The following SH3RF3 variants were observed in gnomAD, a reference collection of about 807,000 sequenced individuals.
SH3RF3 encodes the protein SH3 domain containing ring finger 3, also known as E3 ubiquitin-protein ligase SH3RF3.
A neutral mutation model predicts 66.3 loss-of-function variants in SH3RF3; 29 were observed. The ratio of observed to expected loss-of-function variants is 0.44; its 90% CI spans 0.33 to 0.60. The LOEUF is 0.60. SH3RF3 is among the 20% of genes least tolerant of loss of function. SH3RF3 has a pLI of 0.04. For synonymous variants in SH3RF3, 583 were observed against 532.0 expected (o/e 1.10, Z -1.32); for missense variants, 1,194 against 1,190.9 (o/e 1.00, Z -0.04).
chr2:109,490,759 C>T lies in SH3RF3; in HGVS notation c.2303C>T (p.Ser768Phe). ...GTGGGCCCCGAAGTGTCCTCACTGT[C>T]CATCCACGGCAGGGCAGGGTCCTGC... ...GAVGPEVSSL[S>F]IHGRAGSCPI... The change falls in exon 9 of 10, where the codon TCC (serine) becomes TTC (phenylalanine). Residue 768 changes from serine (S) to phenylalanine (F), a missense_variant. By Grantham distance (155) the Ser-to-Phe change is radical (BLOSUM62 -2). Coordinates refer to ENST00000309415, the MANE Select transcript of SH3RF3 (RefSeq NM_001099289.3). 1 of 1,536,530 alleles carries T rather than the reference C, an allele frequency of 6.5e-7. No homozygotes were observed. Among genetic ancestry groups the T allele is most frequent in the African/African-American group, 1.4e-5 (1 of 73,150 alleles).
rs997680575 is a variant in SH3RF3, at chr2:109,373,164, A to T, written c.945+1483A>T. 4.6e-5 allele frequency among the ~76,000 whole-genome samples: 7 copies of T among 152,226 alleles called. No homozygotes were observed. In the East Asian group the frequency reaches 1.2e-3, roughly 25 times the overall value. On this transcript the variant is annotated intron_variant, in intron 3 of 9. Coordinates refer to ENST00000309415, the MANE Select transcript of SH3RF3 (RefSeq NM_001099289.3). Reference sequence around the variant, plus strand: ...TGTAAGATTCACATCTGCCCTCAACACTTCGCAAGTTTCCATGTATTTGCA... The same window carrying T: ...TGTAAGATTCACATCTGCCCTCAACTCTTCGCAAGTTTCCATGTATTTGCA...
chr2:109,428,942 A>G (rs1329905068), intron 5 of SH3RF3, among the ~76,000 whole-genome samples: 1 of 152,180 alleles, frequency 6.6e-6, no homozygotes, highest in African/African-American at 2.4e-5. Context: ...GCATGTGTCT[A>G]CGAAGACTGG....
chr2:109,426,240 T>G (rs1271762673), intron 5 of SH3RF3, among the ~76,000 whole-genome samples: 1 of 152,236 alleles, frequency 6.6e-6, no homozygotes, highest in Non-Finnish European at 1.5e-5. Flanking sequence ...ATAGCTGCCA[T>G]AGATGGTGAT....
At chr2:109,319,711 A>G (rs568212555) in intron 1 of SH3RF3, among the ~76,000 whole-genome samples, 1 of 152,298 alleles carries the variant, frequency 6.6e-6, no homozygotes, top group South Asian at 2.1e-4. Flanking sequence ...GCCGGAGCCA[A>G]ATGGTGTGGG....
chr2:109,360,714 T>TGA (rs1038414241), intron 2 of SH3RF3, among the ~76,000 whole-genome samples: 5 of 152,272 alleles, frequency 3.3e-5, no homozygotes, highest in Non-Finnish European at 7.3e-5. Flanking sequence ...TAGAAGTTCT[T>TGA]CAGTTGGTTC....
chr2:109,493,178 C>G (rs1348459419), intron 9 of SH3RF3, among the ~76,000 whole-genome samples: 1 of 151,036 alleles, frequency 6.6e-6, no homozygotes, highest in Non-Finnish European at 1.5e-5. Flanking sequence ...ATACGCCATG[C>G]AAACACACAC....
At chr2:109,268,051 C>T in intron 1 of SH3RF3, among the ~76,000 whole-genome samples, 1 of 151,766 alleles carries the variant, frequency 6.6e-6, no homozygotes, top group Non-Finnish European at 1.5e-5. Context: ...GTGAGGGGGT[C>T]TTCCAGACTG....
At chr2:109,411,285 C>T (rs953316575) in intron 4 of SH3RF3, among the ~76,000 whole-genome samples, 1 of 152,230 alleles carries the variant, frequency 6.6e-6, no homozygotes, top group Non-Finnish European at 1.5e-5. Flanking sequence ...TGTGCCTTTA[C>T]TCAGGAGTTC....
At chr2:109,275,111 C>T (rs773112011) in intron 1 of SH3RF3, among the ~76,000 whole-genome samples, 27 of 152,298 alleles carry the variant, frequency 1.8e-4, no homozygotes, top group Non-Finnish European at 3.4e-4. Context: ...ATGTGTTCCA[C>T]GCTTGTCTGC....
intron 8 of SH3RF3, among the ~76,000 whole-genome samples, chr2:109,450,846 G>T (rs1677847083): frequency 6.6e-6 from 1 of 152,238 alleles, no homozygotes; most frequent in Non-Finnish European, 1.5e-5. Flanking sequence ...CTCTTGGCTT[G>T]ACTGATTCTG....
chr2:109,135,867 A>G (rs1676802987), intron 1 of SH3RF3, among the ~76,000 whole-genome samples: 3 of 152,192 alleles, frequency 2.0e-5, no homozygotes, highest in Non-Finnish European at 4.4e-5. Flanking sequence ...TACAAACTTC[A>G]TTAAAAGGGA....
chr2:109,150,215 A>G (rs915873521), intron 1 of SH3RF3, among the ~76,000 whole-genome samples: 14 of 152,164 alleles, frequency 9.2e-5, no homozygotes, highest in African/African-American at 3.4e-4. Context: ...ATGGCCAGGT[A>G]AAGAGGGAGG....
intron 1 of SH3RF3, among the ~76,000 whole-genome samples, chr2:109,286,960 G>A (rs1681043243): frequency 6.6e-6 from 1 of 152,168 alleles, no homozygotes; most frequent in Non-Finnish European, 1.5e-5. Context: ...AGGTGGTTCC[G>A]CCATCCTCCA....
chr2:109,372,630 A>G (rs563338675), intron 3 of SH3RF3, among the ~76,000 whole-genome samples: 7 of 152,388 alleles, frequency 4.6e-5, no homozygotes, highest in Admixed American at 1.3e-4. Context: ...TCAAGGTCCC[A>G]CAGCCGAGGA....
At position 109,264,812 on chromosome 2, in the gene SH3RF3, G is replaced by A. The variant is rs746515143; in HGVS notation, c.574-82862G>A. Among the ~76,000 whole-genome samples the A allele has an allele frequency of 1.1e-4, 17 of 152,330 alleles. No individual in the cohort carries two copies. In the South Asian group the frequency reaches 3.5e-3, roughly 32 times the overall value. Reference sequence around the variant, plus strand: ...CTGGCCATCACCTACCGTGCATGCCGCACCCTCCTGAGGCTTTCTGGAGTG... The same window carrying A: ...CTGGCCATCACCTACCGTGCATGCCACACCCTCCTGAGGCTTTCTGGAGTG... On this transcript the variant is annotated intron_variant, in intron 1 of 9. Transcript: ENST00000309415.
intron 1 of SH3RF3, among the ~76,000 whole-genome samples, chr2:109,279,469 A>G (rs1322277110): frequency 2.0e-5 from 3 of 152,158 alleles, no homozygotes; most frequent in South Asian, 2.1e-4. Context: ...TAATGCTGCT[A>G]TGCTGCTAAT....
At chr2:109,264,103 G>A (rs1031413793) in intron 1 of SH3RF3, among the ~76,000 whole-genome samples, 1 of 152,168 alleles carries the variant, frequency 6.6e-6, no homozygotes, top group African/African-American at 2.4e-5. Flanking sequence ...TCAGTCTGTG[G>A]GTGCTACCTG....
At chr2:109,254,044 C>T (rs1389725288) in intron 1 of SH3RF3, among the ~76,000 whole-genome samples, 2 of 151,988 alleles carry the variant, frequency 1.3e-5, no homozygotes, top group Admixed American at 6.6e-5. Flanking sequence ...TCACATTTAT[C>T]CTAGATTTGT....
At chr2:109,432,439 C>T (rs1482381421) in intron 5 of SH3RF3, 62 bp from the exon 6 acceptor site, 16 of 1,586,166 alleles carry the variant, frequency 1.0e-5, no homozygotes, top group Admixed American at 1.8e-5. Context: ...CCCAGGAATG[C>T]CGGCCGGTCC....
Sources: gnomAD v4.1 joint callset for allele counts (sites outside exome capture counted in the v4.1 genomes callset) on GRCh38, gnomAD v4.1.1 for gene constraint, MANE v1.5 for transcripts, NCBI Gene and HGNC (gene_info 2026-07-23, HGNC 2026-07-21) for gene names.